RUFY2: variants seen among roughly 807,000 people sequenced by gnomAD.
RUFY2 encodes RUN and FYVE domain containing 2, also known as RUN and FYVE domain-containing protein 2.
In RUFY2, 49 loss-of-function variants were observed where a neutral mutation model predicts 94.4. That is an observed-to-expected ratio of 0.52 (90% CI 0.41 to 0.66). The LOEUF is 0.66. Among genes scored for constraint, RUFY2 ranks in the 30% least tolerant of loss-of-function variants. The pLI, the probability that RUFY2 is intolerant of heterozygous loss-of-function variation, is 0.00. For synonymous variants in RUFY2, 255 were observed against 235.7 expected, an observed-to-expected ratio of 1.08 and a Z score of -0.75; for missense variants, 541 against 692.8, an observed-to-expected ratio of 0.78 and a Z score of 2.46.
Position 68,386,056 on chromosome 10 carries a change from T to A in RUFY2, c.720+3A>T. The A allele has an allele frequency of 6.3e-7, 1 of 1,591,858 alleles. No homozygotes were observed. Among genetic ancestry groups the A allele is most frequent in the Non-Finnish European group, 8.6e-7 (1 of 1,162,232 alleles). ...TGAAATACATTTATCCATTAGACAA[T>A]ACCTCTTCAATCAGCTTAGTATTTG... is the stretch of plus-strand genomic sequence containing the variant. On this transcript the variant is annotated splice_donor_region_variant and intron_variant, in intron 8 of 17. Coordinates refer to ENST00000602465, the MANE Select transcript of RUFY2 (RefSeq NM_001330103.2).
chr10:68,376,484 ATATATATT>A (rs1476335724), intron 13 of RUFY2, among the ~76,000 whole-genome samples: 7 of 73,880 alleles, frequency 9.5e-5, no homozygotes, highest in Non-Finnish European at 1.6e-4. Context: ...ATATATATAT[ATATATATT>A]CTCAGAAAAC....
intron 11 of RUFY2, among the ~76,000 whole-genome samples, chr10:68,379,967 C>T (rs996848727): frequency 2.0e-5 from 3 of 151,858 alleles, no homozygotes; most frequent in Non-Finnish European, 4.4e-5. Context: ...GCCACTGCGC[C>T]CAGCTAATTT....
intron 7 of RUFY2, among the ~76,000 whole-genome samples, chr10:68,390,596 C>CA (rs201519234): frequency 9.3e-5 from 14 of 150,858 alleles, no homozygotes; most frequent in Non-Finnish European, 2.1e-4. Context: ...TAGACAGTGC[C>CA]AAAAAAAAGA....
At chr10:68,405,773 CAAAGA>C in intron 1 of RUFY2, 1 of 921,840 alleles carries the variant, frequency 1.1e-6, no homozygotes, top group Non-Finnish European at 1.3e-6. Context: ...GTTTTATTTT[CAAAGA>C]GAAAATAAAA....
At chr10:68,398,770 G>C (rs2050593942) in intron 3 of RUFY2, among the ~76,000 whole-genome samples, 1 of 151,862 alleles carries the variant, frequency 6.6e-6, no homozygotes, top group Non-Finnish European at 1.5e-5. Flanking sequence ...TTGGCAGATA[G>C]TACAGGAAGA....
At chr10:68,391,653 C>CAAA (rs1230935983) in intron 7 of RUFY2, among the ~76,000 whole-genome samples, 17 of 28,774 alleles carry the variant, frequency 5.9e-4, no homozygotes, top group African/African-American at 1.3e-3. Flanking sequence ...GACCCTGTCT[C>CAAA]AAAAAAAAAA....
chr10:68,348,734 G>A (rs1390406790), intron 16 of RUFY2, among the ~76,000 whole-genome samples: 1 of 152,182 alleles, frequency 6.6e-6, no homozygotes, highest in African/African-American at 2.4e-5. Context: ...CCTCCCAGGA[G>A]AGAAGCTCAC....
intron 7 of RUFY2, among the ~76,000 whole-genome samples, chr10:68,391,079 C>T (rs1232853642): frequency 6.6e-6 from 1 of 151,768 alleles, no homozygotes; most frequent in Non-Finnish European, 1.5e-5. Context: ...GAACTACAGG[C>T]ACATGCCACC....
At chr10:68,349,889 A>G (rs1243906772) in intron 16 of RUFY2, among the ~76,000 whole-genome samples, 1 of 152,110 alleles carries the variant, frequency 6.6e-6, no homozygotes, top group Admixed American at 6.5e-5. Flanking sequence ...ACAGGACGCT[A>G]TTTTTAAAAG....
downstream of RUFY2, chr10:68,341,434 GCTTT>G: frequency 4.6e-6 from 5 of 1,089,450 alleles, no homozygotes; most frequent in East Asian, 2.4e-5. Flanking sequence ...CTCTATAATG[GCTTT>G]CTGTGGGCTT....
intron 7 of RUFY2, among the ~76,000 whole-genome samples, chr10:68,391,313 G>A (rs1295929652): frequency 6.6e-6 from 1 of 151,800 alleles, no homozygotes; most frequent in Admixed American, 6.6e-5. Flanking sequence ...TTTAATTTTT[G>A]GGGTTTTTTT....
chr10:68,369,024 C>T (rs1326859943), intron 13 of RUFY2, among the ~76,000 whole-genome samples: 1 of 152,116 alleles, frequency 6.6e-6, no homozygotes, highest in Non-Finnish European at 1.5e-5. Context: ...TCTTGCCTGG[C>T]AATGATGAGG....
intron 8 of RUFY2, 72 bp downstream of exon 8, chr10:68,385,987 G>T: frequency 1.1e-6 from 1 of 906,486 alleles, no homozygotes; most frequent in Non-Finnish European, 1.8e-6. Flanking sequence ...TATGTTTAAT[G>T]CATTCATACT....
chr10:68,400,955 G>C (rs2050795901), intron 3 of RUFY2, among the ~76,000 whole-genome samples: 1 of 152,170 alleles, frequency 6.6e-6, no homozygotes, highest in Admixed American at 6.5e-5. Context: ...GGAGCTTGCA[G>C]TGAGCCGAGA....
At chr10:68,368,111 G>A (rs564283257) in intron 13 of RUFY2, among the ~76,000 whole-genome samples, 16 of 151,590 alleles carry the variant, frequency 1.1e-4, no homozygotes, top group African/African-American at 3.4e-4. Flanking sequence ...GATTACAGGC[G>A]CCTGCCACCA....
At chr10:68,404,933 CAGT>C in intron 1 of RUFY2, 89 bp from the exon 2 acceptor site, 1 of 1,083,356 alleles carries the variant, frequency 9.2e-7, no homozygotes, top group Non-Finnish European at 1.3e-6. Context: ...TAAAAACCAA[CAGT>C]AGTTTGCTGT....
chr10:68,348,896 C>T (rs1002937146), intron 16 of RUFY2, among the ~76,000 whole-genome samples: 2 of 152,126 alleles, frequency 1.3e-5, no homozygotes, highest in African/African-American at 2.4e-5. Flanking sequence ...AAGACTAGAA[C>T]GGAACAACCT....
At chr10:68,341,520 C>G (rs375612030), downstream of RUFY2, 7 of 1,179,296 alleles carry the variant, frequency 5.9e-6, no homozygotes, top group Admixed American at 2.0e-5. Flanking sequence ...TTTTACAAAG[C>G]TTGTATTGAT....
At chr10:68,384,350 T>C (rs1359922322) in intron 8 of RUFY2, among the ~76,000 whole-genome samples, 198 bp from the exon 9 acceptor site, 2 of 152,208 alleles carry the variant, frequency 1.3e-5, no homozygotes, top group Non-Finnish European at 2.9e-5. Flanking sequence ...ATACTCTTAT[T>C]TCCTTTTGAA....
Sources: gnomAD v4.1 joint callset for allele counts (sites outside exome capture counted in the v4.1 genomes callset) on GRCh38, gnomAD v4.1.1 for gene constraint, MANE v1.5 for transcripts, NCBI Gene and HGNC (gene_info 2026-07-23, HGNC 2026-07-21) for gene names.